FRMD4A: variants seen among roughly 807,000 people sequenced by gnomAD.
The protein encoded by FRMD4A is FERM domain containing 4A, also known as FERM domain-containing protein 4A.
In FRMD4A, 29 loss-of-function variants were observed where a neutral mutation model predicts 129.1. The ratio of observed to expected loss-of-function variants is 0.22; its 90% confidence interval spans 0.17 to 0.31. The LOEUF (loss-of-function observed/expected upper bound fraction) is 0.31, where lower values mean the gene tolerates loss of function less well. FRMD4A is among the 10% of genes least tolerant of loss of function. The probability of loss-of-function intolerance (pLI) is 1.00; values close to 1 mark genes in which losing one functional copy is unlikely to be tolerated. For missense variants in FRMD4A, 1,272 were observed against 1,375.8 expected (o/e 0.92, Z 1.19); for synonymous variants, 634 against 571.6 (o/e 1.11, Z -1.56).
intron 3 of FRMD4A, among the ~76,000 whole-genome samples, chr10:13,829,361 C>CA (rs2093754292): frequency 6.6e-6 from 1 of 151,830 alleles, no homozygotes; most frequent in Non-Finnish European, 1.5e-5. Context: ...CCCATCTCCA[C>CA]AAAAAATAAA....
intron 2 of FRMD4A, among the ~76,000 whole-genome samples, chr10:13,920,161 A>G (rs17631759): frequency 0.098 from 14,944 of 152,254 alleles, 1,059 homozygotes; most frequent in Non-Finnish European, 0.13. Context: ...CAGGTATAAA[A>G]CAATCACAGA....
intron 2 of FRMD4A, among the ~76,000 whole-genome samples, chr10:14,284,304 G>A (rs912195351): frequency 5.3e-5 from 8 of 152,142 alleles, no homozygotes; most frequent in East Asian, 1.9e-4. Flanking sequence ...CACACTTCTA[G>A]ATAGTGATGG....
In FRMD4A at chr10:14,112,949, C is replaced by T. The variant is rs955775415; in HGVS notation, c.45+217109G>A. ...ACAAAGAGGTTATTAAATAATGGCT[C>T]GGTGTAAGTGTGGGTTAAGAGTGAA... On this transcript the variant is annotated intron_variant, in intron 2 of 24. Transcript: ENST00000357447. Among the ~76,000 whole-genome samples the T allele has an allele frequency of 7.2e-5, 11 of 151,996 alleles. No individual in the cohort carries two copies. In the South Asian group the frequency reaches 2.1e-3, roughly 29 times the overall value.
chr10:14,035,184 G>T lies in FRMD4A; in HGVS notation c.46-176272C>A, dbSNP rs977390170. 2.6e-5 allele frequency among the ~76,000 whole-genome samples: 4 copies of T among 152,198 alleles called. No individual in the cohort carries two copies. The South Asian group carries it at 8.3e-4, about 32-fold the overall frequency. On this transcript the variant is annotated intron_variant, in intron 2 of 24. Transcript: ENST00000357447. ...TCCCAGCACTTTGGGAGGCTGAGGC[G>T]GGTGGATCGCCTGAGGTCAGGAGTT...
chr10:13,833,838 T>A (rs2093829252), intron 3 of FRMD4A, among the ~76,000 whole-genome samples: 1 of 152,082 alleles, frequency 6.6e-6, no homozygotes, highest in Non-Finnish European at 1.5e-5. Context: ...TATGACATAG[T>A]GGAGCTGGGC....
At chr10:13,771,714 T>C (rs563955477) in intron 6 of FRMD4A, among the ~76,000 whole-genome samples, 4 of 152,272 alleles carry the variant, frequency 2.6e-5, no homozygotes, top group Admixed American at 2.0e-4. Flanking sequence ...TCCTGTTTCT[T>C]TGGTTATCAC....
intron 15 of FRMD4A, chr10:13,693,685 C>CTTTTTT: frequency 1.7e-6 from 1 of 603,094 alleles, no homozygotes; most frequent in South Asian, 1.7e-5. Flanking sequence ...TCTACTGATG[C>CTTTTTT]TTTTTTTTTT....
rs547995985 is a variant in FRMD4A, at chr10:13,842,379, G to C, written c.111+16468C>G. Among the ~76,000 whole-genome samples, 46 of 152,318 alleles carry C rather than the reference G, an allele frequency of 3.0e-4. 1 individual carries two copies. Among genetic ancestry groups the C allele is most frequent in the African/African-American group, 1.1e-3 (45 of 41,582 alleles). ...AGCCATTCATTCGTGCATGAGCCCAGTCAATAACACTGAGCCAGCCTTCTG... is the reference window on the plus strand; with the variant it reads ...AGCCATTCATTCGTGCATGAGCCCACTCAATAACACTGAGCCAGCCTTCTG... On this transcript the variant is annotated intron_variant, in intron 3 of 24. Transcript: ENST00000357447.
intron 2 of FRMD4A, among the ~76,000 whole-genome samples, chr10:13,916,465 G>A (rs2095008040): frequency 6.6e-6 from 1 of 152,228 alleles, no homozygotes; most frequent in Non-Finnish European, 1.5e-5. Context: ...CAACTAGTGT[G>A]TAGTAATAGT....
chr10:13,967,210 G>A (rs1182721086), intron 2 of FRMD4A, among the ~76,000 whole-genome samples: 4 of 152,188 alleles, frequency 2.6e-5, no homozygotes, highest in African/African-American at 9.7e-5. Context: ...GGTGGCGGGC[G>A]CCTGTAGTCC....
chr10:14,092,922 A>G (rs747755013), intron 2 of FRMD4A, among the ~76,000 whole-genome samples: 141 of 152,248 alleles, frequency 9.3e-4, no homozygotes, highest in Non-Finnish European at 1.7e-3. Flanking sequence ...AGAAACAGCC[A>G]GGAATGCGGA....
In FRMD4A at chr10:13,836,964, A is replaced by T. The variant is rs1343782016; in HGVS notation, c.111+21883T>A. On this transcript the variant is annotated intron_variant, in intron 3 of 24. Transcript: ENST00000357447. Reference sequence around the variant, plus strand: ...AGTAGAGACGGGGTTTCACCGTGTTAGCCAGGACGGTCTCGAGCTCCTGAC... The same window carrying T: ...AGTAGAGACGGGGTTTCACCGTGTTTGCCAGGACGGTCTCGAGCTCCTGAC... Among the ~76,000 whole-genome samples, 6 of 152,098 alleles carry T rather than the reference A, an allele frequency of 3.9e-5. No individual in the cohort carries two copies. In the East Asian group the frequency reaches 1.2e-3, roughly 30 times the overall value.
intron 2 of FRMD4A, among the ~76,000 whole-genome samples, chr10:13,954,077 A>C (rs1333398987): frequency 6.6e-6 from 1 of 152,248 alleles, no homozygotes; most frequent in African/African-American, 2.4e-5. Flanking sequence ...ACATCAGGGC[A>C]GAAACAGACC....
chr10:14,240,361 G>A (rs1843998925), intron 2 of FRMD4A, among the ~76,000 whole-genome samples: 2 of 152,132 alleles, frequency 1.3e-5, no homozygotes, highest in Non-Finnish European at 2.9e-5. Flanking sequence ...TCTATCATGT[G>A]GCATTCTCAG....
At chr10:13,717,211 A>G (rs909584949) in intron 12 of FRMD4A, among the ~76,000 whole-genome samples, 14 of 152,250 alleles carry the variant, frequency 9.2e-5, no homozygotes, top group African/African-American at 3.1e-4. Flanking sequence ...GAATTAATCA[A>G]TCTGAGAAAT....
chr10:13,816,064 AC>A (rs1341826340), intron 3 of FRMD4A, among the ~76,000 whole-genome samples: 2 of 152,148 alleles, frequency 1.3e-5, no homozygotes, highest in African/African-American at 4.8e-5. Flanking sequence ...TTTCAAATAA[AC>A]TTTTTCAACA....
chr10:14,205,057 CTTTCTTT>C (rs1490152213), intron 2 of FRMD4A, among the ~76,000 whole-genome samples: 26 of 118,934 alleles, frequency 2.2e-4, no homozygotes, highest in Admixed American at 3.3e-4. Context: ...TTTTTCTTTT[CTTTCTTT>C]TTTTTTTTTT....
chr10:13,741,220 T>C (rs1480031133), intron 9 of FRMD4A, among the ~76,000 whole-genome samples: 1 of 150,226 alleles, frequency 6.7e-6, no homozygotes, highest in African/African-American at 2.4e-5. Context: ...GAGGCTGACA[T>C]GGGGGGATTG....
In FRMD4A at chr10:14,192,002, G is replaced by A. The variant is rs143735931; in HGVS notation, c.45+138056C>T. Among the ~76,000 whole-genome samples the A allele has an allele frequency of 2.1e-3, 321 of 152,124 alleles. 3 individuals are homozygous for A. Among genetic ancestry groups the A allele is most frequent in the African/African-American group, 6.6e-3 (272 of 41,502 alleles). On this transcript the variant is annotated intron_variant, in intron 2 of 24. Coordinates refer to ENST00000357447, the MANE Select transcript of FRMD4A (RefSeq NM_018027.5). ...CATCCCCGGTTGACATTTCAACCAG[G>A]CTTTAACCTCCACTGGTCTTAACTG...
Sources: allele counts gnomAD v4.1 joint callset (sites outside exome capture counted in the v4.1 genomes callset), GRCh38; gene constraint gnomAD v4.1.1; transcripts MANE v1.5; gene names NCBI Gene and HGNC (gene_info 2026-07-23, HGNC 2026-07-21).